Variants in SPATA16 observed in about 807,000 individuals in gnomAD.
SPATA16 encodes spermatogenesis-associated protein 16.
SPATA16 carries 36 observed loss-of-function variants against 63.3 expected under a neutral mutation model. The observed-to-expected ratio is 0.57, with a 90% confidence interval of 0.44 to 0.75. SPATA16 has a LOEUF of 0.75. SPATA16 is among the 30% of genes least tolerant of loss of function. The probability of loss-of-function intolerance (pLI) is 0.00; values close to 1 mark genes in which losing one functional copy is unlikely to be tolerated. For missense variants in SPATA16, 646 were observed against 679.3 expected, an observed-to-expected ratio of 0.95 and a Z score of 0.54; for synonymous variants, 203 against 216.7, an observed-to-expected ratio of 0.94 and a Z score of 0.56.
intron 5 of SPATA16, among the ~76,000 whole-genome samples, chr3:172,967,562 C>T (rs1352619203): frequency 6.6e-6 from 1 of 152,168 alleles, no homozygotes; most frequent in African/African-American, 2.4e-5. Context: ...GTGGTTACAG[C>T]CTACTATAGC....
chr3:173,117,911 G>A (rs757788563), intron 1 of SPATA16, among the ~76,000 whole-genome samples, 162 bp from the exon 2 acceptor site: 2 of 152,128 alleles, frequency 1.3e-5, no homozygotes, highest in Non-Finnish European at 2.9e-5. Flanking sequence ...TTTTAATAGA[G>A]GAGTGTATGT....
chr3:173,065,536 C>T (rs1736498702), intron 2 of SPATA16, among the ~76,000 whole-genome samples: 1 of 152,040 alleles, frequency 6.6e-6, no homozygotes, highest in Non-Finnish European at 1.5e-5. Context: ...TTCATAAGAA[C>T]CAAAAAAATA....
rs145708744 is a variant in SPATA16 at position 172,947,122 on chromosome 3, G to A, written c.1081+9555C>T. Among the ~76,000 whole-genome samples, 259 of 152,340 alleles carry A rather than the reference G, an allele frequency of 1.7e-3. 1 individual carries two copies. Among genetic ancestry groups the A allele is most frequent in the Middle Eastern group, 0.014 (4 of 294 alleles). ...TGGTACCTCTAATGAGTCTGCCAGA[G>A]TCACAGTGTTACAGGACTTTAGGTG... On this transcript the variant is annotated intron_variant, in intron 6 of 10. Coordinates refer to ENST00000351008, the MANE Select transcript of SPATA16 (RefSeq NM_031955.6).
At chr3:173,108,526 A>G (rs959394083) in intron 2 of SPATA16, among the ~76,000 whole-genome samples, 6 of 152,168 alleles carry the variant, frequency 3.9e-5, no homozygotes, top group South Asian at 2.1e-4. Flanking sequence ...AAAAATACCA[A>G]TGTTCCAGGA....
chr3:172,917,989 C>G (rs1732533069), intron 8 of SPATA16, among the ~76,000 whole-genome samples: 1 of 152,178 alleles, frequency 6.6e-6, no homozygotes, highest in South Asian at 2.1e-4. Flanking sequence ...ATATGCTGTT[C>G]AGTGAATGTC....
chr3:172,936,158 G>A (rs1265902247), intron 6 of SPATA16, among the ~76,000 whole-genome samples: 1 of 152,198 alleles, frequency 6.6e-6, no homozygotes, highest in African/African-American at 2.4e-5. Context: ...GATGATAGGA[G>A]TGTCTTTTGT....
chr3:173,089,917 G>C (rs1178012974), intron 2 of SPATA16, among the ~76,000 whole-genome samples: 1 of 152,180 alleles, frequency 6.6e-6, no homozygotes, highest in Non-Finnish European at 1.5e-5. Flanking sequence ...GTTGTAAATT[G>C]TGGATTATAA....
chr3:173,137,730 G>A (rs565710829), intron 1 of SPATA16, among the ~76,000 whole-genome samples: 1 of 151,588 alleles, frequency 6.6e-6, no homozygotes, highest in African/African-American at 2.4e-5. Flanking sequence ...CTTTAATTAA[G>A]CCTTGGCCCC....
intron 6 of SPATA16, among the ~76,000 whole-genome samples, chr3:172,950,331 G>A (rs978689422): frequency 7.2e-5 from 11 of 152,272 alleles, no homozygotes; most frequent in African/African-American, 2.6e-4. Flanking sequence ...GAAGATCAAC[G>A]TTTTAATATT....
chr3:173,123,405 C>T (rs1738137057), intron 1 of SPATA16, among the ~76,000 whole-genome samples: 1 of 151,960 alleles, frequency 6.6e-6, no homozygotes, highest in Admixed American at 6.6e-5. Context: ...TAATATAGTC[C>T]TCTGCATTGC....
intron 2 of SPATA16, among the ~76,000 whole-genome samples, chr3:173,069,891 A>T (rs928083959): frequency 6.6e-6 from 1 of 152,132 alleles, no homozygotes; most frequent in African/African-American, 2.4e-5. Flanking sequence ...AAACTATATG[A>T]TTACTTCAAT....
At chr3:173,011,395 A>C (rs553416281) in intron 4 of SPATA16, among the ~76,000 whole-genome samples, 1 of 152,358 alleles carries the variant, frequency 6.6e-6, no homozygotes, top group Admixed American at 6.5e-5. Flanking sequence ...CAAACTAGGC[A>C]TTGAAGAAAC....
At chr3:173,003,501 G>A (rs1277451105) in intron 4 of SPATA16, among the ~76,000 whole-genome samples, 1 of 152,094 alleles carries the variant, frequency 6.6e-6, no homozygotes, top group South Asian at 2.1e-4. Flanking sequence ...TGTAATCTTC[G>A]ACAAGTCATT....
chr3:172,970,746 C>T (rs1734030267), intron 5 of SPATA16, among the ~76,000 whole-genome samples: 1 of 152,100 alleles, frequency 6.6e-6, no homozygotes, highest in South Asian at 2.1e-4. Flanking sequence ...TTGTTCCTTT[C>T]TGTGGAAAAA....
At chr3:173,067,134 G>T (rs950122036) in intron 2 of SPATA16, among the ~76,000 whole-genome samples, 1 of 151,750 alleles carries the variant, frequency 6.6e-6, no homozygotes, top group African/African-American at 2.4e-5. Context: ...AAAGGAAAAA[G>T]AATAAAAATG....
intron 6 of SPATA16, among the ~76,000 whole-genome samples, chr3:172,929,422 T>C (rs1423659910): frequency 2.0e-5 from 3 of 152,202 alleles, no homozygotes; most frequent in Non-Finnish European, 4.4e-5. Flanking sequence ...AGTTTTCCCT[T>C]CTTCAGAAAT....
Position 173,117,287 on chromosome 3 carries a change from G to A in SPATA16, c.445C>T (p.Gln149Ter), listed in dbSNP as rs756048492. Residue 149 changes from glutamine to a stop codon, truncating the protein, a stop_gained, in exon 2 of 11, where the codon CAG becomes TAG. Transcript: ENST00000351008. LOFTEE classifies it high-confidence loss of function. ...FVESFMSTGS[Q>*]PTCQAAEIVD... ...ATTTCAGCAGCTTGGCATGTTGGCT[G>A]ACTCCCAGTAGACATGAAGGACTCT... 4 of 1,614,018 alleles carry A rather than the reference G, an allele frequency of 2.5e-6. No homozygotes were observed. The highest frequency in any genetic ancestry group is 2.5e-6 in the Non-Finnish European group (3 of 1,180,008).
At position 173,126,849 on chromosome 3, in the gene SPATA16, G is replaced by A. The variant is rs11717667; in HGVS notation, c.-18-9100C>T. Among the ~76,000 whole-genome samples, 564 of 152,190 alleles carry A rather than the reference G, an allele frequency of 3.7e-3. 5 individuals are homozygous for A. Among genetic ancestry groups the A allele is most frequent in the Middle Eastern group, 0.01 (3 of 294 alleles). ...ACTGCATCCCACCACAATACACAAG[G>A]TAAATTGTTGTCACAATTTCCAAAT... On this transcript the variant is annotated intron_variant, in intron 1 of 10. Coordinates refer to ENST00000351008, the MANE Select transcript of SPATA16 (RefSeq NM_031955.6).
intron 2 of SPATA16, among the ~76,000 whole-genome samples, chr3:173,059,075 A>G (rs1285456384): frequency 6.6e-6 from 1 of 152,096 alleles, no homozygotes; most frequent in Non-Finnish European, 1.5e-5. Context: ...TTCTTAGAAC[A>G]TTCAGAATGC....
Sources: allele counts gnomAD v4.1 joint callset (sites outside exome capture counted in the v4.1 genomes callset), GRCh38; gene constraint gnomAD v4.1.1; transcripts MANE v1.5; gene names NCBI Gene and HGNC (gene_info 2026-07-23, HGNC 2026-07-21).